Variants in SHROOM3 observed in about 807,000 individuals in gnomAD.
The protein encoded by SHROOM3 is protein Shroom3.
In SHROOM3, 47 loss-of-function variants were observed where a neutral mutation model predicts 138.6. The ratio of observed to expected loss-of-function variants is 0.34; its 90% CI spans 0.27 to 0.43. SHROOM3 has a LOEUF of 0.43. Ranked by LOEUF, SHROOM3 falls within the 20% of genes least tolerant of loss-of-function variation. The pLI is 1.00. For synonymous variants in SHROOM3, 1,062 were observed against 1,063.3 expected, an observed-to-expected ratio of 1.00 and a Z score of 0.02; for missense variants, 2,491 against 2,596.5, an observed-to-expected ratio of 0.96 and a Z score of 0.88.
At chr4:76,763,759 A>G (rs987438902) in intron 9 of SHROOM3, among the ~76,000 whole-genome samples, 2 of 152,212 alleles carry the variant, frequency 1.3e-5, no homozygotes, top group Non-Finnish European at 2.9e-5. Flanking sequence ...GTAATGAACT[A>G]CAAGTTTATA....
At chr4:76,705,248 T>C (rs2110114930) in intron 2 of SHROOM3, among the ~76,000 whole-genome samples, 1 of 152,258 alleles carries the variant, frequency 6.6e-6, no homozygotes, top group South Asian at 2.1e-4. Context: ...GGTGGGTGGA[T>C]CACTTGAGCC....
intron 1 of SHROOM3, among the ~76,000 whole-genome samples, chr4:76,445,041 G>A (rs1730776821): frequency 6.6e-6 from 1 of 151,162 alleles, no homozygotes; most frequent in African/African-American, 2.4e-5. Flanking sequence ...AGATTACAGT[G>A]AGCCAAGATT....
chr4:76,580,799 C>T (rs2110043390), intron 2 of SHROOM3, among the ~76,000 whole-genome samples: 1 of 152,288 alleles, frequency 6.6e-6, no homozygotes, highest in South Asian at 2.1e-4. Flanking sequence ...AACAGTACCT[C>T]CCTAGTGGAG....
chr4:76,538,768 A>G (rs1380871915), intron 1 of SHROOM3, among the ~76,000 whole-genome samples: 1 of 152,204 alleles, frequency 6.6e-6, no homozygotes, highest in Non-Finnish European at 1.5e-5. Context: ...ATTTGGCCAT[A>G]TCTGCAGATG....
At chr4:76,522,368 A>C (rs1042026585) in intron 1 of SHROOM3, among the ~76,000 whole-genome samples, 6 of 151,324 alleles carry the variant, frequency 4.0e-5, no homozygotes, top group Non-Finnish European at 7.4e-5. Flanking sequence ...CTTTATTCTT[A>C]GGAGATACAT....
At chr4:76,565,607 G>A (rs1045217103) in intron 2 of SHROOM3, among the ~76,000 whole-genome samples, 2 of 152,014 alleles carry the variant, frequency 1.3e-5, no homozygotes, top group Non-Finnish European at 2.9e-5. Flanking sequence ...TTCAGCCTCC[G>A]GAGTAGCTGG....
chr4:76,642,302 A>T (rs1304292697), intron 2 of SHROOM3, among the ~76,000 whole-genome samples: 2 of 152,280 alleles, frequency 1.3e-5, no homozygotes, highest in East Asian at 3.9e-4. Context: ...TACATATGAC[A>T]CCCTCAACCC....
chr4:76,692,665 A>G (rs1204171789), intron 2 of SHROOM3, among the ~76,000 whole-genome samples: 2 of 152,228 alleles, frequency 1.3e-5, no homozygotes, highest in African/African-American at 2.4e-5. Context: ...CCATACAATG[A>G]ATACGACTCA....
chr4:76,608,728 CAGCAT>C (rs201721082), intron 2 of SHROOM3, among the ~76,000 whole-genome samples: 1,236 of 54,054 alleles, frequency 0.023, 85 homozygotes, highest in East Asian at 0.16. Flanking sequence ...CAGCACAGCA[CAGCAT>C]AGCATAGCAT....
At chr4:76,473,170 G>A (rs145573435) in intron 1 of SHROOM3, among the ~76,000 whole-genome samples, 168 of 152,206 alleles carry the variant, frequency 1.1e-3, no homozygotes, top group Admixed American at 3.9e-3. Flanking sequence ...AGACAAATTG[G>A]ACTTTATTAA....
At chr4:76,704,216 A>T (rs937580346) in intron 2 of SHROOM3, among the ~76,000 whole-genome samples, 1 of 152,256 alleles carries the variant, frequency 6.6e-6, no homozygotes, top group Non-Finnish European at 1.5e-5. Flanking sequence ...CCTATGATTC[A>T]TTCAGCAAAT....
At chr4:76,638,481 C>T (rs1735567227) in intron 2 of SHROOM3, among the ~76,000 whole-genome samples, 1 of 152,050 alleles carries the variant, frequency 6.6e-6, no homozygotes, top group South Asian at 2.1e-4. Context: ...CCTAGGAGTT[C>T]AAGGCTGTAG....
chr4:76,490,729 A>G (rs1272944553), intron 1 of SHROOM3, among the ~76,000 whole-genome samples: 1 of 152,196 alleles, frequency 6.6e-6, no homozygotes, highest in Non-Finnish European at 1.5e-5. Flanking sequence ...GACACCTCAT[A>G]TATGTTACCC....
chr4:76,521,017 GT>G (rs1715236439), intron 1 of SHROOM3, among the ~76,000 whole-genome samples: 1 of 152,204 alleles, frequency 6.6e-6, no homozygotes, highest in South Asian at 2.1e-4. Flanking sequence ...ATCTTTGGCT[GT>G]GGAATAGCTT....
At chr4:76,625,853 G>T (rs1735125686) in intron 2 of SHROOM3, among the ~76,000 whole-genome samples, 1 of 152,198 alleles carries the variant, frequency 6.6e-6, no homozygotes, top group African/African-American at 2.4e-5. Context: ...TAAGCAACTT[G>T]TGAGCAAGGA....
At chr4:76,690,366 C>A (rs1049678268) in intron 2 of SHROOM3, among the ~76,000 whole-genome samples, 8 of 152,312 alleles carry the variant, frequency 5.3e-5, no homozygotes, top group Admixed American at 2.0e-4. Flanking sequence ...TTTGGCATTA[C>A]CTTTTTCCCC....
At chr4:76,692,738 G>A (rs1363431838) in intron 2 of SHROOM3, among the ~76,000 whole-genome samples, 3 of 152,192 alleles carry the variant, frequency 2.0e-5, no homozygotes, top group African/African-American at 7.2e-5. Context: ...CACGTTAACT[G>A]AAAGCAGCCA....
At position 76,537,628 on chromosome 4, in the gene SHROOM3, C is replaced by A. The variant is rs79534906; in HGVS notation, c.169-17981C>A. 2.2e-4 allele frequency among the ~76,000 whole-genome samples: 33 copies of A among 152,162 alleles called. No homozygotes were observed. The East Asian group carries it at 6.0e-3, about 28-fold the overall frequency. On this transcript the variant is annotated intron_variant, in intron 1 of 10. Coordinates refer to ENST00000296043, the MANE Select transcript of SHROOM3 (RefSeq NM_020859.4). ...TGAGAAGTCATTAGAAAAGGTAGAG[C>A]AATTTAGGCTTTGCTGATGGGTTCA...
Position 76,594,913 on chromosome 4 carries a change from T to G in SHROOM3, c.323+39150T>G, listed in dbSNP as rs114389475. Among the ~76,000 whole-genome samples the G allele has an allele frequency of 8.4e-3, 1,284 of 152,210 alleles. 20 individuals carry two copies. The highest frequency in any genetic ancestry group is 0.03 in the African/African-American group (1,238 of 41,506). ...TAAGACCAACTCAAATAAAAAGAGA[T>G]GAAGATATCAAGATATGAAGGAAGC... On this transcript the variant is annotated intron_variant, in intron 2 of 10. Coordinates refer to ENST00000296043, the MANE Select transcript of SHROOM3 (RefSeq NM_020859.4).
Sources: allele counts gnomAD v4.1 joint callset (sites outside exome capture counted in the v4.1 genomes callset), GRCh38; gene constraint gnomAD v4.1.1; transcripts MANE v1.5; gene names NCBI Gene and HGNC (gene_info 2026-07-23, HGNC 2026-07-21).